Variants in TMTC1 observed in about 807,000 individuals in gnomAD.
TMTC1 encodes the protein protein O-mannosyl-transferase TMTC1.
TMTC1 carries 73 observed loss-of-function variants against 104.8 expected under a neutral mutation model. The observed-to-expected ratio is 0.70, with a 90% CI of 0.58 to 0.85. TMTC1 has a LOEUF of 0.85. Among genes scored for constraint, TMTC1 ranks in the 40% least tolerant of loss-of-function variants. The pLI is 0.00. For synonymous variants in TMTC1, 434 were observed against 428.7 expected (o/e 1.01, Z -0.15); for missense variants, 1,035 against 1,096.1 (o/e 0.94, Z 0.79).
At chr12:29,673,723 C>CT (rs1393053043) in intron 5 of TMTC1, among the ~76,000 whole-genome samples, 4 of 142,122 alleles carry the variant, frequency 2.8e-5, no homozygotes, top group Non-Finnish European at 4.6e-5. Context: ...GTGTAAGATG[C>CT]TATGGCTGCC....
intron 6 of TMTC1, among the ~76,000 whole-genome samples, chr12:29,617,825 G>C (rs1947027683): frequency 1.3e-5 from 2 of 152,260 alleles, no homozygotes; most frequent in Admixed American, 6.5e-5. Context: ...GGTTGGATGG[G>C]ACCAGCACAT....
intron 11 of TMTC1, among the ~76,000 whole-genome samples, chr12:29,527,916 A>G (rs1441318773): frequency 2.6e-5 from 4 of 152,204 alleles, no homozygotes; most frequent in Admixed American, 2.6e-4. Context: ...TGTCAAGGGC[A>G]ATGAATCACA....
At position 29,731,316 on chromosome 12, in the gene TMTC1, C is replaced by G. The variant is rs1000882179; in HGVS notation, c.938+20350G>C. Among the ~76,000 whole-genome samples, 4 of 152,220 alleles carry G rather than the reference C, an allele frequency of 2.6e-5. No homozygotes were observed. The East Asian group carries it at 7.7e-4, about 29-fold the overall frequency. On this transcript the variant is annotated intron_variant, in intron 5 of 17. Coordinates refer to ENST00000539277, the MANE Select transcript of TMTC1 (RefSeq NM_001193451.2). ...GGATTACAGATGTCTGCCACCATGC[C>G]CGGCTAATTTCTGTATCTTTAGTAG...
At position 29,599,436 on chromosome 12, in the gene TMTC1, C is replaced by T. The variant is rs900982087; in HGVS notation, c.1250+4742G>A. 1.8e-4 allele frequency among the ~76,000 whole-genome samples: 27 copies of T among 152,198 alleles called. 1 individual carries two copies. The highest frequency in any genetic ancestry group is 7.3e-5 in the Non-Finnish European group (5 of 68,042). ...AGCCTATTTCTGTCCCTTTTATCCA[C>T]AGATTTCAAAGTGCAAATGAGAGGA... On this transcript the variant is annotated intron_variant, in intron 7 of 17. Transcript: ENST00000539277.
chr12:29,770,075 T>C (rs964742728), intron 1 of TMTC1, among the ~76,000 whole-genome samples: 1 of 152,040 alleles, frequency 6.6e-6, no homozygotes, highest in Non-Finnish European at 1.5e-5. Context: ...TTGATAAATT[T>C]GACTACTCCC....
At chr12:29,586,837 C>A (rs1946149152) in intron 7 of TMTC1, among the ~76,000 whole-genome samples, 1 of 151,344 alleles carries the variant, frequency 6.6e-6, no homozygotes, top group African/African-American at 2.4e-5. Flanking sequence ...TTCGGTTTGC[C>A]AGTATTTTAT....
Position 29,506,420 on chromosome 12 carries a change from G to T in TMTC1, c.*426C>A, listed in dbSNP as rs1488602326. ...GATTTTCCAAATGGCTTACCACAGA[G>T]GATTTATCCTCTTTTGAAATATTTC... On this transcript the variant is annotated 3_prime_UTR_variant, in exon 18 of 18. Transcript: ENST00000539277. 1 of 158,644 alleles carries T rather than the reference G, an allele frequency of 6.3e-6. No individual in the cohort carries two copies. Among genetic ancestry groups the T allele is most frequent in the African/African-American group, 2.4e-5 (1 of 41,524 alleles). The allele number at this position is 158,644 out of a possible 1,614,324, so 9.8% of individuals were successfully genotyped here. A position where few individuals can be genotyped will look rare whatever the true frequency, so the allele number is the denominator to read the frequency against.
chr12:29,676,312 G>A (rs1489234768), intron 5 of TMTC1, among the ~76,000 whole-genome samples: 4 of 152,072 alleles, frequency 2.6e-5, no homozygotes, highest in Non-Finnish European at 4.4e-5. Context: ...CCTTGTATAT[G>A]CAAGCTTTAT....
At chr12:29,660,072 A>G in intron 5 of TMTC1, 1 of 999,534 alleles carries the variant, frequency 1.0e-6, no homozygotes, top group Non-Finnish European at 1.5e-6. Context: ...CAGGGAATGA[A>G]GTCAGTCACC....
chr12:29,638,920 C>G (rs1039620378), intron 5 of TMTC1, among the ~76,000 whole-genome samples: 1 of 152,136 alleles, frequency 6.6e-6, no homozygotes, highest in Non-Finnish European at 1.5e-5. Context: ...AAAGGGTCTC[C>G]ACCTCACTGG....
At chr12:29,536,741 C>G (rs1944656285) in intron 10 of TMTC1, among the ~76,000 whole-genome samples, 1 of 151,606 alleles carries the variant, frequency 6.6e-6, no homozygotes, top group South Asian at 2.1e-4. Flanking sequence ...GCAGGCTGAG[C>G]TCCTAGGGTG....
At chr12:29,589,056 A>C (rs1946213928) in intron 7 of TMTC1, among the ~76,000 whole-genome samples, 1 of 152,232 alleles carries the variant, frequency 6.6e-6, no homozygotes, top group African/African-American at 2.4e-5. Flanking sequence ...ATAAAAGCTT[A>C]ACTATCTCCA....
At chr12:29,643,831 A>ATACATATTTATATATT (rs1555180920) in intron 5 of TMTC1, among the ~76,000 whole-genome samples, 7 of 70,034 alleles carry the variant, frequency 1.0e-4, no homozygotes, top group African/African-American at 3.5e-4. Flanking sequence ...TTATATATTT[A>ATACATATTTATATATT]TATATATTTA....
intron 13 of TMTC1, 58 bp from the exon 14 acceptor site, chr12:29,517,629 T>C (rs1944026167): frequency 6.2e-7 from 1 of 1,602,632 alleles, no homozygotes; most frequent in Non-Finnish European, 8.5e-7. Flanking sequence ...TTTCCAAATG[T>C]CTAGGCTTAG....
chr12:29,755,897 G>T lies in TMTC1; in HGVS notation c.555-12C>A. 1 of 1,611,796 alleles carries T rather than the reference G, an allele frequency of 6.2e-7. No homozygotes were observed. Among genetic ancestry groups the T allele is most frequent in the Non-Finnish European group, 8.5e-7 (1 of 1,179,172 alleles). On this transcript the variant is annotated splice_polypyrimidine_tract_variant and intron_variant, in intron 3 of 17. Transcript: ENST00000539277. ...CCTGATCCAGACTCCTGAAAAACAA[G>T]TTGGAGATTCTTTTAATCTAAGAAA...
At chr12:29,781,902 C>A (rs374515226) in intron 1 of TMTC1, among the ~76,000 whole-genome samples, 2 of 152,176 alleles carry the variant, frequency 1.3e-5, no homozygotes, top group African/African-American at 4.8e-5. Context: ...GTGAAAACAC[C>A]CTTCCCTACT....
At position 29,583,590 on chromosome 12, in the gene TMTC1, G is replaced by T. The variant is rs2288230; in HGVS notation, c.1251-16C>A. The stretch of plus-strand genomic sequence containing the variant: ...GTAGCCCATGCTGGAAAACAGGGTG[G>T]AAGGAACGGGATTACTTTGGGGGTG... On this transcript the variant is annotated splice_polypyrimidine_tract_variant and intron_variant, in intron 7 of 17. Coordinates refer to ENST00000539277, the MANE Select transcript of TMTC1 (RefSeq NM_001193451.2). The T allele has an allele frequency of 0.25, 407,766 of 1,605,204 alleles. 53,570 individuals carry two copies. Among genetic ancestry groups the T allele is most frequent in the East Asian group, 0.48 (21,466 of 44,578 alleles).
chr12:29,643,454 A>ATGTGC (rs1327924827), intron 5 of TMTC1, among the ~76,000 whole-genome samples: 7 of 130,232 alleles, frequency 5.4e-5, no homozygotes, highest in African/African-American at 2.0e-4. Context: ...TATCACATAT[A>ATGTGC]TATGATGGAA....
chr12:29,586,386 G>A (rs914717314), intron 7 of TMTC1, among the ~76,000 whole-genome samples: 1 of 152,138 alleles, frequency 6.6e-6, no homozygotes, highest in Non-Finnish European at 1.5e-5. Context: ...TGCAAACAGG[G>A]ACAATTTGAC....
Sources: allele counts gnomAD v4.1 joint callset (sites outside exome capture counted in the v4.1 genomes callset), GRCh38; gene constraint gnomAD v4.1.1; transcripts MANE v1.5; gene names NCBI Gene and HGNC (gene_info 2026-07-23, HGNC 2026-07-21).